Variants in DNAH8 observed in about 807,000 individuals in gnomAD.
DNAH8 encodes the protein dynein axonemal heavy chain 8.
In DNAH8, 382 loss-of-function variants were observed where a neutral mutation model predicts 562.1. That is an observed-to-expected ratio of 0.68 (90% CI 0.63 to 0.74). DNAH8 has a LOEUF of 0.74. Ranked by LOEUF, DNAH8 falls within the 30% of genes least tolerant of loss-of-function variation. The pLI, the probability that DNAH8 is intolerant of heterozygous loss-of-function variation, is 0.00. For missense variants in DNAH8, 5,203 were observed against 5,620.4 expected, an observed-to-expected ratio of 0.93 and a Z score of 2.37; for synonymous variants, 1,881 against 1,919.4, an observed-to-expected ratio of 0.98 and a Z score of 0.52.
chr6:38,772,154 G>A (rs1050665918), intron 12 of DNAH8, among the ~76,000 whole-genome samples: 9 of 149,908 alleles, frequency 6.0e-5, no homozygotes, highest in African/African-American at 2.0e-4. Flanking sequence ...TCAGCCTCCC[G>A]AGTAGCTGGG....
chr6:38,947,653 G>A (rs1486151975), intron 80 of DNAH8, among the ~76,000 whole-genome samples: 1 of 152,184 alleles, frequency 6.6e-6, no homozygotes, highest in Non-Finnish European at 1.5e-5. Flanking sequence ...CCAGGCCCTG[G>A]CATGCAGGCA....
At chr6:38,806,179 C>T (rs1042756460) in intron 23 of DNAH8, among the ~76,000 whole-genome samples, 1 of 152,180 alleles carries the variant, frequency 6.6e-6, no homozygotes. Flanking sequence ...GTCACTGTCA[C>T]ATTTGCACTC....
chr6:38,840,659 G>T (rs1738193), intron 33 of DNAH8, among the ~76,000 whole-genome samples: 33,792 of 152,082 alleles, frequency 0.22, 4,579 homozygotes, highest in African/African-American at 0.37. Flanking sequence ...AGGGAATGCT[G>T]CTTTCTCTTT....
intron 7 of DNAH8, among the ~76,000 whole-genome samples, chr6:38,738,855 C>T (rs1047917027): frequency 1.2e-4 from 19 of 152,144 alleles, no homozygotes; most frequent in Non-Finnish European, 1.5e-5. Flanking sequence ...CACTGGATAA[C>T]TCTTGCAGCC....
At chr6:38,750,203 C>G (rs1451310682) in intron 8 of DNAH8, among the ~76,000 whole-genome samples, 1 of 152,126 alleles carries the variant, frequency 6.6e-6, no homozygotes, top group Non-Finnish European at 1.5e-5. Context: ...AATAATTAAC[C>G]TGAAAAAGTC....
chr6:38,914,504 G>A (rs1309151591), intron 67 of DNAH8, among the ~76,000 whole-genome samples: 1 of 144,384 alleles, frequency 6.9e-6, no homozygotes, highest in Non-Finnish European at 1.5e-5. Flanking sequence ...GGGTTCAAGC[G>A]ATTCTCCTGC....
intron 92 of DNAH8, among the ~76,000 whole-genome samples, chr6:39,028,408 G>A (rs762150304): frequency 3.1e-4 from 47 of 152,248 alleles, no homozygotes; most frequent in Admixed American, 1.7e-3. Flanking sequence ...TTCTCTCTTC[G>A]CCTCTGGTGG....
At chr6:38,897,289 C>T (rs1391779772) in intron 60 of DNAH8, among the ~76,000 whole-genome samples, 1 of 152,040 alleles carries the variant, frequency 6.6e-6, no homozygotes, top group Non-Finnish European at 1.5e-5. Context: ...TTGAAACACC[C>T]ATTGGTTTAA....
chr6:38,879,146 C>T (rs1015489970), intron 53 of DNAH8, among the ~76,000 whole-genome samples: 6 of 151,912 alleles, frequency 3.9e-5, no homozygotes, highest in Non-Finnish European at 7.4e-5. Flanking sequence ...TTGGTGAATT[C>T]GACTAAATAT....
intron 3 of DNAH8, among the ~76,000 whole-genome samples, chr6:38,725,319 A>AATAATAATAATAAT (rs1268175026): frequency 1.4e-5 from 2 of 147,464 alleles, no homozygotes; most frequent in African/African-American, 2.5e-5. Context: ...TAATAATAAT[A>AATAATAATAATAAT]ATAATAATAA....
intron 57 of DNAH8, among the ~76,000 whole-genome samples, chr6:38,890,403 C>A (rs74579032): frequency 0.015 from 2,334 of 152,190 alleles, 33 homozygotes; most frequent in Non-Finnish European, 0.024. Context: ...AATAATAATA[C>A]CTACCTTGTA....
chr6:38,894,693 A>G lies in DNAH8; in HGVS notation c.8584-8A>G, dbSNP rs1022054130. The G allele has an allele frequency of 1.9e-6, 3 of 1,607,892 alleles. No homozygotes were observed. Among genetic ancestry groups the G allele is most frequent in the Non-Finnish European group, 2.5e-6 (3 of 1,176,554 alleles). ...CTAACTGAGAGTATTACATTTTTTC[A>G]TCTCTAGGTGAAGATGCTGCCAACT... is the stretch of plus-strand genomic sequence containing the variant. On this transcript the variant is annotated splice_region_variant and splice_polypyrimidine_tract_variant and intron_variant, in intron 58 of 92. Coordinates refer to ENST00000327475, the MANE Select transcript of DNAH8 (RefSeq NM_001206927.2).
chr6:38,955,607 G>A (rs1424028166), intron 82 of DNAH8, among the ~76,000 whole-genome samples: 1 of 151,946 alleles, frequency 6.6e-6, no homozygotes, highest in Non-Finnish European at 1.5e-5. Flanking sequence ...CTCCAGCCTG[G>A]GTGACAGAGT....
intron 11 of DNAH8, chr6:38,763,041 C>A: frequency 2.5e-6 from 1 of 405,620 alleles, no homozygotes; most frequent in Non-Finnish European, 4.9e-6. Flanking sequence ...ATCAAAGCAG[C>A]TCATAAAGTA....
intron 53 of DNAH8, among the ~76,000 whole-genome samples, chr6:38,879,509 GA>G (rs1778297978): frequency 6.6e-6 from 1 of 152,152 alleles, no homozygotes; most frequent in Non-Finnish European, 1.5e-5. Context: ...AATGAATGAA[GA>G]AAAGCATTTG....
chr6:38,935,209 A>G (rs1261289708), intron 76 of DNAH8, among the ~76,000 whole-genome samples: 1 of 152,158 alleles, frequency 6.6e-6, no homozygotes, highest in African/African-American at 2.4e-5. Context: ...TTTTGTTTCT[A>G]CTTGTTCTGA....
At chr6:39,016,329 A>T (rs1210596306) in intron 91 of DNAH8, among the ~76,000 whole-genome samples, 1 of 152,076 alleles carries the variant, frequency 6.6e-6, no homozygotes, top group East Asian at 1.9e-4. Context: ...AGGCGGGCGG[A>T]TCACGAGGTC....
At chr6:38,914,322 T>A (rs960327332) in intron 67 of DNAH8, among the ~76,000 whole-genome samples, 5 of 151,382 alleles carry the variant, frequency 3.3e-5, no homozygotes, top group Non-Finnish European at 7.4e-5. Flanking sequence ...TTTTTTTTTT[T>A]AAAAGAAAGA....
Position 38,786,657 on chromosome 6 carries a change from T to C in DNAH8, c.2396-108T>C. On this transcript the variant is annotated intron_variant, in intron 17 of 92. Transcript: ENST00000327475. ...CACCTGGGGCATCCAAAACATTTCCTTTGCCCTCAAGAAGTTAGTAATCCA... is the reference window on the plus strand; with the variant it reads ...CACCTGGGGCATCCAAAACATTTCCCTTGCCCTCAAGAAGTTAGTAATCCA... The C allele has an allele frequency of 2.7e-6, 3 of 1,127,602 alleles. No individual in the cohort carries two copies. The South Asian group carries it at 4.5e-5, about 17-fold the overall frequency. 69.8% of individuals were successfully genotyped at this position (1,127,602 alleles called of 1,614,324 possible). A position where few individuals can be genotyped will look rare whatever the true frequency, so the allele number is the denominator to read the frequency against.
Sources: gnomAD v4.1 joint callset for allele counts (sites outside exome capture counted in the v4.1 genomes callset) on GRCh38, gnomAD v4.1.1 for gene constraint, MANE v1.5 for transcripts, NCBI Gene and HGNC (gene_info 2026-07-23, HGNC 2026-07-21) for gene names.